The following RBM6 variants were observed in gnomAD, a reference collection of about 807,000 sequenced individuals.
RBM6 encodes RNA binding motif protein 6.
Under a neutral mutation model 140.4 loss-of-function variants are expected in RBM6, and 23 were observed. The ratio of observed to expected loss-of-function variants is 0.16; its 90% CI spans 0.12 to 0.23. The LOEUF is 0.23. Ranked by LOEUF, RBM6 falls within the 10% of genes least tolerant of loss-of-function variation. The pLI, the probability that RBM6 is intolerant of heterozygous loss-of-function variation, is 1.00. For missense variants in RBM6, 1,139 were observed against 1,386.7 expected (o/e 0.82, Z 2.84); for synonymous variants, 439 against 475.6 (o/e 0.92, Z 1.00).
chr3:49,987,778 A>T (rs2085631582), intron 5 of RBM6, among the ~76,000 whole-genome samples: 1 of 152,138 alleles, frequency 6.6e-6, no homozygotes, highest in African/African-American at 2.4e-5. Context: ...AGCTGGGATT[A>T]CAGCCGCCTG....
At chr3:50,074,513 G>T (rs757151302) in intron 19 of RBM6, among the ~76,000 whole-genome samples, 2 of 151,922 alleles carry the variant, frequency 1.3e-5, no homozygotes, top group Non-Finnish European at 2.9e-5. Flanking sequence ...TAGAGACAGG[G>T]TTTCTCCATG....
rs114843696 is a variant in RBM6, at chr3:49,984,671, A to G, written c.1483+9279A>G. ...GCATCGCATCGCATCGCATTGCATC[A>G]CATCACATCACAACATAACATAAAT... On this transcript the variant is annotated intron_variant, in intron 5 of 20. Coordinates refer to ENST00000266022, the MANE Select transcript of RBM6 (RefSeq NM_005777.3). Among the ~76,000 whole-genome samples the G allele has an allele frequency of 2.5e-3, 375 of 149,058 alleles. 2 individuals are homozygous for G. The highest frequency in any genetic ancestry group is 8.5e-3 in the African/African-American group (343 of 40,226).
At position 49,995,054 on chromosome 3, in the gene RBM6, A is replaced by G. The variant is rs577763141; in HGVS notation, c.1484-4386A>G. ...CTCGTGAGTCAGCTTTTCTAGGGGC[A>G]GAGATTGAAGAGTTAGTTCTGAGAT... On this transcript the variant is annotated intron_variant, in intron 5 of 20. Transcript: ENST00000266022. Among the ~76,000 whole-genome samples, 11 of 152,296 alleles carry G rather than the reference A, an allele frequency of 7.2e-5. 1 individual carries two copies. The South Asian group carries it at 2.3e-3, about 32-fold the overall frequency.
At chr3:49,940,913 A>C (rs1471218649) in intron 1 of RBM6, 5 of 64,698 alleles carry the variant, frequency 7.7e-5, no homozygotes, top group Non-Finnish European at 1.2e-4. Context: ...TTTTTTTTGA[A>C]GGAAGGGCCC....
intron 5 of RBM6, among the ~76,000 whole-genome samples, chr3:49,984,544 GCACT>G (rs1270348077): frequency 5.9e-5 from 9 of 152,090 alleles, no homozygotes; most frequent in Non-Finnish European, 1.2e-4. Flanking sequence ...TCACACCACT[GCACT>G]CCAGGCTGGA....
At chr3:50,011,212 C>A (rs931048824) in intron 6 of RBM6, among the ~76,000 whole-genome samples, 3 of 151,546 alleles carry the variant, frequency 2.0e-5, no homozygotes, top group Non-Finnish European at 2.9e-5. Context: ...AGAGCAATAC[C>A]TTGTCTCTTA....
At chr3:49,982,262 C>CTTTTTTTTTTTTTTTTTTTTT (rs751604271) in intron 5 of RBM6, among the ~76,000 whole-genome samples, 6 of 68,398 alleles carry the variant, frequency 8.8e-5, no homozygotes, top group African/African-American at 2.4e-4. Context: ...CTTTTCTTTT[C>CTTTTTTTTTTTTTTTTTTTTT]TTTTTTTTTT....
At chr3:50,075,763 A>G (rs2090440740) in intron 20 of RBM6, among the ~76,000 whole-genome samples, 3 of 152,112 alleles carry the variant, frequency 2.0e-5, no homozygotes, top group Admixed American at 1.3e-4. Context: ...TCATATTTCA[A>G]GAGCCTCTAG....
At chr3:49,977,458 G>C (rs2085109403) in intron 5 of RBM6, among the ~76,000 whole-genome samples, 1 of 152,034 alleles carries the variant, frequency 6.6e-6, no homozygotes, top group South Asian at 2.1e-4. Flanking sequence ...TTTTCAGTTG[G>C]ATCTATCACT....
chr3:49,973,579 C>CTTTTCTTT (rs1234496768), intron 4 of RBM6, among the ~76,000 whole-genome samples: 15 of 147,560 alleles, frequency 1.0e-4, no homozygotes, highest in Non-Finnish European at 2.1e-4. Context: ...TGCTCTTCTG[C>CTTTTCTTT]TTTTCTTTTT....
At chr3:49,954,882 C>G (rs1425516333) in intron 1 of RBM6, among the ~76,000 whole-genome samples, 1 of 151,772 alleles carries the variant, frequency 6.6e-6, no homozygotes, top group Non-Finnish European at 1.5e-5. Flanking sequence ...CCTCAGCCTC[C>G]CCAGCAGCTG....
At chr3:50,036,190 C>T (rs1431766954) in intron 6 of RBM6, among the ~76,000 whole-genome samples, 1 of 152,188 alleles carries the variant, frequency 6.6e-6, no homozygotes. Context: ...CCACTGCGCC[C>T]AGCAGGGTCT....
chr3:50,030,492 T>C (rs1261506793), intron 6 of RBM6, among the ~76,000 whole-genome samples: 1 of 152,112 alleles, frequency 6.6e-6, no homozygotes, highest in Admixed American at 6.6e-5. Flanking sequence ...CCTACTTTTT[T>C]CCTACAACTT....
intron 6 of RBM6, among the ~76,000 whole-genome samples, chr3:50,016,701 G>C (rs1024942439): frequency 1.3e-5 from 2 of 152,118 alleles, no homozygotes; most frequent in Admixed American, 6.6e-5. Flanking sequence ...ACAGTGTCTT[G>C]CTGCATCACA....
intron 10 of RBM6, 190 bp from the exon 11 acceptor site, chr3:50,059,459 C>T (rs912025431): frequency 1.9e-5 from 9 of 480,358 alleles, no homozygotes; most frequent in Non-Finnish European, 3.3e-5. Flanking sequence ...CTGTTCCAAT[C>T]AGTCCTTCAT....
chr3:50,039,485 C>G (rs1448744537), intron 6 of RBM6, among the ~76,000 whole-genome samples: 1 of 14,232 alleles, frequency 7.0e-5, no homozygotes, highest in Non-Finnish European at 1.1e-4. Context: ...GTGATCCACC[C>G]CCCCCCCCCC....
chr3:50,051,955 G>C (rs1012172451), intron 7 of RBM6, among the ~76,000 whole-genome samples: 2 of 152,222 alleles, frequency 1.3e-5, no homozygotes, highest in African/African-American at 4.8e-5. Flanking sequence ...AACTCCACTA[G>C]ATTTCTTTTG....
chr3:50,065,675 T>C (rs1260723296), intron 16 of RBM6: 2 of 456,586 alleles, frequency 4.4e-6, no homozygotes, highest in Non-Finnish European at 8.8e-6. Flanking sequence ...TTATTTTGAG[T>C]GATCATAGAC....
intron 5 of RBM6, among the ~76,000 whole-genome samples, chr3:49,995,217 C>A (rs1184492427): frequency 6.6e-6 from 1 of 151,918 alleles, no homozygotes; most frequent in Non-Finnish European, 1.5e-5. Context: ...AAATTTGTTA[C>A]CTTTATAGAT....
Sources: gnomAD v4.1 joint callset for allele counts (sites outside exome capture counted in the v4.1 genomes callset) on GRCh38, gnomAD v4.1.1 for gene constraint, MANE v1.5 for transcripts, NCBI Gene and HGNC (gene_info 2026-07-23, HGNC 2026-07-21) for gene names.